The following BICDL1 variants were observed in gnomAD, a reference collection of about 807,000 sequenced individuals.
The protein encoded by BICDL1 is BICD family like cargo adaptor 1, also known as BICD family-like cargo adapter 1.
BICDL1 carries 20 observed loss-of-function variants against 76.8 expected under a neutral mutation model. That is an observed-to-expected ratio of 0.26 (90% CI 0.18 to 0.38). The LOEUF (loss-of-function observed/expected upper bound fraction) is 0.38, where lower values mean the gene tolerates loss of function less well. BICDL1 is among the 10% of genes least tolerant of loss of function. The pLI, the probability that BICDL1 is intolerant of heterozygous loss-of-function variation, is 1.00. For synonymous variants in BICDL1, 383 were observed against 337.1 expected (o/e 1.14, Z -1.49); for missense variants, 700 against 798.6 (o/e 0.88, Z 1.49).
intron 2 of BICDL1, among the ~76,000 whole-genome samples, chr12:120,011,694 A>G (rs558540571): frequency 6.6e-6 from 1 of 152,338 alleles, no homozygotes; most frequent in African/African-American, 2.4e-5. Flanking sequence ...TGGTTATATT[A>G]GGTAGAATAA....
intron 2 of BICDL1, among the ~76,000 whole-genome samples, chr12:120,007,884 C>T (rs921441428): frequency 8.5e-5 from 13 of 152,188 alleles, no homozygotes; most frequent in Admixed American, 7.2e-4. Context: ...CAGTGAGCAA[C>T]AGCTGGTTAT....
At chr12:120,050,081 GC>G (rs1328905163) in intron 2 of BICDL1, among the ~76,000 whole-genome samples, 1 of 152,016 alleles carries the variant, frequency 6.6e-6, no homozygotes. Context: ...TTCTTCATGT[GC>G]CTATTGGCCA....
At chr12:120,051,847 A>G (rs1452214140) in intron 2 of BICDL1, among the ~76,000 whole-genome samples, 3 of 152,186 alleles carry the variant, frequency 2.0e-5, no homozygotes, top group Non-Finnish European at 4.4e-5. Context: ...TTTCTGCTCC[A>G]GAATCCGGTT....
At chr12:120,070,175 C>A (rs1594196096) in intron 4 of BICDL1, among the ~76,000 whole-genome samples, 2 of 152,168 alleles carry the variant, frequency 1.3e-5, no homozygotes, top group East Asian at 3.8e-4. Flanking sequence ...AATATAGATT[C>A]TATTTAACTT....
At chr12:120,083,906 G>A (rs746146841) in intron 8 of BICDL1, among the ~76,000 whole-genome samples, 5 of 151,658 alleles carry the variant, frequency 3.3e-5, no homozygotes, top group Admixed American at 6.6e-5. Flanking sequence ...ACCTGCCTCA[G>A]CCTCCCAAAG....
intron 7 of BICDL1, 78 bp downstream of exon 7, chr12:120,074,664 C>G: frequency 1.0e-6 from 1 of 987,480 alleles, no homozygotes; most frequent in Non-Finnish European, 1.2e-6. Flanking sequence ...TTGAGTTTCT[C>G]TCTCCCATTT....
chr12:120,042,311 T>C (rs576682370), intron 2 of BICDL1, among the ~76,000 whole-genome samples: 9 of 151,510 alleles, frequency 5.9e-5, no homozygotes, highest in Admixed American at 2.0e-4. Flanking sequence ...GGATGTGGAG[T>C]GTGAGGGGAA....
chr12:120,081,104 A>C (rs901485914), intron 8 of BICDL1, 87 bp downstream of exon 8: 47 of 1,355,464 alleles, frequency 3.5e-5, no homozygotes, highest in Non-Finnish European at 4.2e-5. Flanking sequence ...ATTAAATCAT[A>C]CAAAAGAATA....
intron 2 of BICDL1, among the ~76,000 whole-genome samples, chr12:120,037,098 A>G (rs1952543679): frequency 6.6e-6 from 1 of 152,168 alleles, no homozygotes; most frequent in African/African-American, 2.4e-5. Flanking sequence ...CTTGGGTTTC[A>G]TGTCCTGCTT....
chr12:119,991,869 C>CA (rs777642031), intron 1 of BICDL1, among the ~76,000 whole-genome samples: 2 of 151,634 alleles, frequency 1.3e-5, no homozygotes, highest in Non-Finnish European at 2.9e-5. Context: ...AGAATGGTAA[C>CA]AAAAAAAGGT....
rs193208532 is a variant in BICDL1, at chr12:119,996,021, A to G, written c.430-2500A>G. Among the ~76,000 whole-genome samples the G allele has an allele frequency of 4.6e-5, 7 of 152,224 alleles. No individual in the cohort carries two copies. The East Asian group carries it at 1.2e-3, about 25-fold the overall frequency. On this transcript the variant is annotated intron_variant, in intron 1 of 9. Transcript: ENST00000548673. Reference sequence around the variant, plus strand: ...AAAAAATTCTCATTTTTGGAAGTTAAGCAATACAAGGGATGCATAGAGCAA... The same window carrying G: ...AAAAAATTCTCATTTTTGGAAGTTAGGCAATACAAGGGATGCATAGAGCAA...
chr12:120,092,307 C>A (rs923966714), intron 9 of BICDL1: 2 of 985,264 alleles, frequency 2.0e-6, no homozygotes, highest in Admixed American at 6.1e-5. Context: ...TGAACGAATT[C>A]GAGTTGGGGG....
intron 2 of BICDL1, among the ~76,000 whole-genome samples, chr12:120,039,852 C>T (rs891784160): frequency 6.6e-6 from 1 of 152,080 alleles, no homozygotes; most frequent in Non-Finnish European, 1.5e-5. Context: ...TTTTCAGTGA[C>T]TTTACAGAAA....
intron 8 of BICDL1, among the ~76,000 whole-genome samples, chr12:120,087,128 C>T (rs934896712): frequency 2.6e-5 from 4 of 152,240 alleles, no homozygotes; most frequent in African/African-American, 9.6e-5. Flanking sequence ...CGGGTTCTGA[C>T]GCTACTGGAG....
chr12:120,029,236 C>T (rs1952371337), intron 2 of BICDL1, among the ~76,000 whole-genome samples: 1 of 152,152 alleles, frequency 6.6e-6, no homozygotes, highest in Non-Finnish European at 1.5e-5. Context: ...ATGTACTATG[C>T]AACCCCAGGG....
At chr12:120,074,650 C>A (rs1873394848) in intron 7 of BICDL1, 64 bp downstream of exon 7, 1 of 1,005,234 alleles carries the variant, frequency 9.9e-7, no homozygotes, top group Non-Finnish European at 1.2e-6. Flanking sequence ...CTCTTGGGAC[C>A]CTTTTGAGTT....
intron 2 of BICDL1, among the ~76,000 whole-genome samples, chr12:120,020,990 C>CA (rs925354973): frequency 2.5e-4 from 38 of 150,674 alleles, no homozygotes; most frequent in South Asian, 6.3e-4. Flanking sequence ...AGGACTTTTA[C>CA]AAAAAAAAAC....
chr12:119,998,676 A>G lies in BICDL1; in HGVS notation c.585A>G (p.Lys195=). 6.2e-7 allele frequency: 1 copy of G among 1,614,190 alleles called. No homozygotes were observed. The highest frequency in any genetic ancestry group is 1.1e-5 in the South Asian group (1 of 91,086). ...QIHLREADRE[K]SRAVQELSEQ... ...ATCTGCGGGAAGCAGATCGAGAAAA[A>G]TCACGGGCTGTCCAGGAACTGTCGG... is the stretch of plus-strand genomic sequence containing the variant. Residue 195 remains lysine (K), a synonymous_variant, in exon 2 of 10, where the codon AAA becomes AAG. Transcript: ENST00000548673.
intron 7 of BICDL1, among the ~76,000 whole-genome samples, chr12:120,074,808 G>T (rs1873405461): frequency 6.6e-6 from 1 of 152,218 alleles, no homozygotes; most frequent in East Asian, 1.9e-4. Flanking sequence ...AGAATGGCTG[G>T]TCCTCCATTT....
Sources: allele counts gnomAD v4.1 joint callset (sites outside exome capture counted in the v4.1 genomes callset), GRCh38; gene constraint gnomAD v4.1.1; transcripts MANE v1.5; gene names NCBI Gene and HGNC (gene_info 2026-07-23, HGNC 2026-07-21).